The following TOM1L2 variants were observed in gnomAD, a reference collection of about 807,000 sequenced individuals.
TOM1L2 encodes target of myb1 like 2 membrane trafficking protein, also known as TOM1-like protein 2.
A neutral mutation model predicts 67.9 loss-of-function variants in TOM1L2; 31 were observed. That is an observed-to-expected ratio of 0.46 (90% confidence interval 0.34 to 0.62). The LOEUF (loss-of-function observed/expected upper bound fraction) is 0.62. Ranked by LOEUF, TOM1L2 falls within the 20% of genes least tolerant of loss-of-function variation. TOM1L2 has a pLI of 0.01. For synonymous variants in TOM1L2, 256 were observed against 254.0 expected (o/e 1.01, Z -0.07); for missense variants, 606 against 663.5 (o/e 0.91, Z 0.95).
At chr17:17,965,018 C>T (rs2041825116) in intron 1 of TOM1L2, among the ~76,000 whole-genome samples, 1 of 152,160 alleles carries the variant, frequency 6.6e-6, no homozygotes, top group Non-Finnish European at 1.5e-5. Context: ...GCCTTGGCAC[C>T]TTTCTGTTTC....
chr17:17,877,564 G>A (rs2037485021), intron 7 of TOM1L2, among the ~76,000 whole-genome samples: 1 of 152,190 alleles, frequency 6.6e-6, no homozygotes, highest in Non-Finnish European at 1.5e-5. Flanking sequence ...TGACTGCCAG[G>A]GGAAGAAGGG....
intron 1 of TOM1L2, among the ~76,000 whole-genome samples, chr17:17,966,415 G>A (rs531275432): frequency 1.3e-5 from 2 of 152,308 alleles, no homozygotes; most frequent in South Asian, 2.1e-4. Flanking sequence ...ATAAAGAAAA[G>A]ATTAAAGAAA....
intron 3 of TOM1L2, among the ~76,000 whole-genome samples, 200 bp downstream of exon 3, chr17:17,898,396 T>C (rs1349462242): frequency 6.6e-6 from 1 of 152,192 alleles, no homozygotes; most frequent in Non-Finnish European, 1.5e-5. Flanking sequence ...TTTACCAAAT[T>C]GAAGCTCACC....
intron 1 of TOM1L2, among the ~76,000 whole-genome samples, chr17:17,935,380 T>G (rs1241047159): frequency 6.6e-6 from 1 of 152,228 alleles, no homozygotes; most frequent in Non-Finnish European, 1.5e-5. Flanking sequence ...TGCCCCCAGT[T>G]GTTAAGAACT....
At chr17:17,920,875 AT>A (rs2144603430) in intron 1 of TOM1L2, among the ~76,000 whole-genome samples, 1 of 152,216 alleles carries the variant, frequency 6.6e-6, no homozygotes, top group Admixed American at 6.5e-5. Flanking sequence ...ACCTCAGGTG[AT>A]CCACCCGCCT....
intron 1 of TOM1L2, among the ~76,000 whole-genome samples, chr17:17,916,598 C>T (rs1724635046): frequency 6.6e-6 from 1 of 152,208 alleles, no homozygotes; most frequent in South Asian, 2.1e-4. Flanking sequence ...GAGTTTATTT[C>T]TGAGTTCTCT....
At chr17:17,870,111 T>C (rs1355794646) in intron 7 of TOM1L2, among the ~76,000 whole-genome samples, 3 of 152,160 alleles carry the variant, frequency 2.0e-5, no homozygotes, top group African/African-American at 7.2e-5. Flanking sequence ...AGCAGGAGTG[T>C]ATTTTATGAC....
At position 17,884,727 on chromosome 17, in the gene TOM1L2, G is replaced by A. The variant is rs565241802; in HGVS notation, c.408C>T (p.Gly136=). The change falls in exon 5 of 15, where the codon GGC becomes GGT. Residue 136 remains glycine, a synonymous_variant. Coordinates refer to ENST00000379504, the MANE Select transcript of TOM1L2 (RefSeq NM_001082968.2). ...TCAGCTCCTCATATATGTGCACAAC[G>A]CCGGTGAGATCAGGACTGCTTCGAA... ...DAFRSSPDLT[G]VVHIYEELKR... is the part of the protein sequence containing the mutation. The A allele has an allele frequency of 9.3e-6, 15 of 1,613,778 alleles. No individual in the cohort carries two copies. The East Asian group carries it at 2.0e-4, about 22-fold the overall frequency.
intron 4 of TOM1L2, among the ~76,000 whole-genome samples, chr17:17,890,085 G>A (rs2144165669): frequency 6.6e-6 from 1 of 152,308 alleles, no homozygotes; most frequent in Non-Finnish European, 1.5e-5. Flanking sequence ...AATTGTCAGA[G>A]TCTCTGGGGG....
At chr17:17,928,580 C>T (rs555319717) in intron 1 of TOM1L2, among the ~76,000 whole-genome samples, 6 of 152,296 alleles carry the variant, frequency 3.9e-5, no homozygotes, top group African/African-American at 9.6e-5. Context: ...AGACGGCCCC[C>T]GCGTGAGCAT....
intron 1 of TOM1L2, among the ~76,000 whole-genome samples, chr17:17,957,987 G>C (rs1443518860): frequency 6.6e-6 from 1 of 152,076 alleles, no homozygotes; most frequent in Admixed American, 6.5e-5. Context: ...CTATTCAGCA[G>C]GCTGAGGCAG....
intron 1 of TOM1L2, among the ~76,000 whole-genome samples, chr17:17,911,376 A>G (rs912466283): frequency 2.0e-5 from 3 of 152,192 alleles, no homozygotes; most frequent in African/African-American, 4.8e-5. Flanking sequence ...GGCCATTAGC[A>G]TATCACCAGA....
intron 1 of TOM1L2, among the ~76,000 whole-genome samples, chr17:17,931,003 TCAA>T (rs760132671): frequency 1.3e-5 from 2 of 152,246 alleles, no homozygotes; most frequent in Non-Finnish European, 2.9e-5. Flanking sequence ...TGGAATGTCT[TCAA>T]CAACAGTTTC....
chr17:17,864,638 A>C (rs2036748865), intron 10 of TOM1L2, among the ~76,000 whole-genome samples: 1 of 151,394 alleles, frequency 6.6e-6, no homozygotes, highest in East Asian at 1.9e-4. Flanking sequence ...CAACCCCCCT[A>C]GTAGTTGGGA....
At chr17:17,891,459 G>A (rs962546515) in intron 4 of TOM1L2, among the ~76,000 whole-genome samples, 2 of 152,178 alleles carry the variant, frequency 1.3e-5, no homozygotes, top group African/African-American at 4.8e-5. Context: ...GGCATCCTCA[G>A]GGTAGAGGTG....
chr17:17,862,761 C>G lies in TOM1L2; in HGVS notation c.1172G>C (p.Arg391Thr). 3.1e-6 allele frequency: 5 copies of G among 1,613,920 alleles called. No individual in the cohort carries two copies. Among genetic ancestry groups the G allele is most frequent in the Non-Finnish European group, 4.2e-6 (5 of 1,180,034 alleles). ...GCGCTGCTCAGCCAAGGAGTTTCCT[C>G]TCGTCTGGGCAAACATGTCAAAGCC... ...RDGFDMFAQT[R>T]GNSLAEQRKT... Residue 391 changes from arginine (R) to threonine (T), a missense_variant, in exon 11 of 15, where the codon AGA becomes ACA. Transcript: ENST00000379504.
chr17:17,965,521 T>C (rs1257989474), intron 1 of TOM1L2, among the ~76,000 whole-genome samples: 1 of 152,216 alleles, frequency 6.6e-6, no homozygotes, highest in Non-Finnish European at 1.5e-5. Flanking sequence ...AGAGTTTTCC[T>C]GAGTTCTTCC....
chr17:17,953,439 A>G (rs947702652), intron 1 of TOM1L2, among the ~76,000 whole-genome samples: 1 of 152,222 alleles, frequency 6.6e-6, no homozygotes, highest in Non-Finnish European at 1.5e-5. Flanking sequence ...AGAGACAAGC[A>G]GGAGTGCCCC....
chr17:17,903,985 G>T (rs1279081394), intron 2 of TOM1L2, among the ~76,000 whole-genome samples: 1 of 146,716 alleles, frequency 6.8e-6, no homozygotes, highest in Non-Finnish European at 1.5e-5. Flanking sequence ...TTTCACTCAG[G>T]AAGAGATTAT....
Sources: allele counts gnomAD v4.1 joint callset (sites outside exome capture counted in the v4.1 genomes callset), GRCh38; gene constraint gnomAD v4.1.1; transcripts MANE v1.5; gene names NCBI Gene and HGNC (gene_info 2026-07-23, HGNC 2026-07-21).